NADSYN1: variants seen among roughly 807,000 people sequenced by gnomAD.
The protein encoded by NADSYN1 is NAD synthetase 1.
In NADSYN1, 80 loss-of-function variants were observed where a neutral mutation model predicts 99.3. That is an observed-to-expected ratio of 0.81 (90% CI 0.67 to 0.97). The LOEUF (loss-of-function observed/expected upper bound fraction) is 0.97, where lower values mean the gene tolerates loss of function less well. Among genes scored for constraint, NADSYN1 ranks in the 50% least tolerant of loss-of-function variants. NADSYN1 has a pLI of 0.00. For synonymous variants in NADSYN1, 385 were observed against 372.1 expected, an observed-to-expected ratio of 1.03 and a Z score of -0.40; for missense variants, 859 against 948.5, an observed-to-expected ratio of 0.91 and a Z score of 1.24.
At chr11:71,462,104 G>C (rs940466657) in intron 3 of NADSYN1, among the ~76,000 whole-genome samples, 6 of 152,148 alleles carry the variant, frequency 3.9e-5, no homozygotes, top group African/African-American at 1.4e-4. Flanking sequence ...TCTCAGAGGG[G>C]CCCTCCAAGG....
chr11:71,473,337 G>A lies in NADSYN1; in HGVS notation c.519G>A (p.Glu173=). 1 of 1,614,204 alleles carries A rather than the reference G, an allele frequency of 6.2e-7. No homozygotes were observed. Residue 173 remains glutamate (E), a synonymous_variant, in exon 7 of 21, where the codon GAG becomes GAA. Coordinates refer to ENST00000319023, the MANE Select transcript of NADSYN1 (RefSeq NM_018161.5). ...LVTWDTCIGS[E]ICEELWTPHS... ...CATGGGACACCTGCATTGGAAGTGA[G>A]ATCTGTGAGGAGCTCTGGACACCCC...
In NADSYN1 at chr11:71,472,508, C is replaced by T. The variant is rs781273466; in HGVS notation, c.459+8C>T. The T allele has an allele frequency of 6.2e-7, 1 of 1,612,538 alleles. No individual in the cohort carries two copies. The highest frequency in any genetic ancestry group is 8.5e-7 in the Non-Finnish European group (1 of 1,178,602). ...CAGGACCTGACAAAGCAGGTGAGTC[C>T]CTGGGTGTGGAGCCCGTTTTTCAGT... On this transcript the variant is annotated splice_region_variant and intron_variant, in intron 6 of 20. Transcript: ENST00000319023.
chr11:71,467,081 A>T (rs932327264), intron 5 of NADSYN1, among the ~76,000 whole-genome samples: 7 of 152,236 alleles, frequency 4.6e-5, no homozygotes. Flanking sequence ...CAGAGAGGGA[A>T]GGCTGAACAC....
At chr11:71,490,443 G>A (rs532654610) in intron 16 of NADSYN1, among the ~76,000 whole-genome samples, 1 of 152,196 alleles carries the variant, frequency 6.6e-6, no homozygotes, top group Non-Finnish European at 1.5e-5. Flanking sequence ...AGTGAGAGAT[G>A]GATTCTTCTG....
chr11:71,473,288 C>T lies in NADSYN1; in HGVS notation c.470C>T (p.Pro157Leu). 6.2e-7 allele frequency: 1 copy of T among 1,614,146 alleles called. No homozygotes were observed. Among genetic ancestry groups the T allele is most frequent in the African/African-American group, 1.3e-5 (1 of 75,056 alleles). ...IQDLTKQETV[P>L]FGDAVLVTWD... ...CTCTTCCGACTGCAGGAAACCGTAC[C>T]CTTCGGAGATGCGGTGCTGGTGACA... Residue 157 changes from proline to leucine, a missense_variant, in exon 7 of 21, where the codon CCC (proline) becomes CTC (leucine). Coordinates refer to ENST00000319023, the MANE Select transcript of NADSYN1 (RefSeq NM_018161.5).
At chr11:71,480,631 G>A in intron 10 of NADSYN1, 124 bp from the exon 11 acceptor site, 1 of 1,379,488 alleles carries the variant, frequency 7.2e-7, no homozygotes, top group South Asian at 1.3e-5. Context: ...GAGTGAGGGT[G>A]GCCTCACTGT....
chr11:71,462,997 C>T (rs1298192017), intron 3 of NADSYN1, among the ~76,000 whole-genome samples: 1 of 152,150 alleles, frequency 6.6e-6, no homozygotes, highest in Non-Finnish European at 1.5e-5. Flanking sequence ...GAGAAAGGGC[C>T]AGCCCGGAGC....
chr11:71,457,338 A>T (rs1351487436), intron 2 of NADSYN1, among the ~76,000 whole-genome samples: 2 of 152,210 alleles, frequency 1.3e-5, no homozygotes, highest in Non-Finnish European at 2.9e-5. Flanking sequence ...TGAAAGTCAC[A>T]ATTGCTGGTT....
At chr11:71,493,768 GGC>G (rs1949800269) in intron 18 of NADSYN1, among the ~76,000 whole-genome samples, 1 of 152,094 alleles carries the variant, frequency 6.6e-6, no homozygotes, top group African/African-American at 2.4e-5. Flanking sequence ...TCTTGTGTGT[GGC>G]AGCTGACAAT....
At chr11:71,484,602 C>T in intron 15 of NADSYN1, 155 bp downstream of exon 15, 1 of 1,117,358 alleles carries the variant, frequency 8.9e-7, no homozygotes, top group East Asian at 2.6e-5. Flanking sequence ...GGGTCACAGC[C>T]TGTATGCCTC....
At chr11:71,479,116 A>G (rs7123973) in intron 10 of NADSYN1, 138,459 of 152,832 alleles carry the variant, frequency 0.91, 63,116 homozygotes, top group Non-Finnish European at 0.95. Context: ...GTCTCATTCC[A>G]TCGCCCAGGC....
chr11:71,459,735 G>A (rs1434947300), intron 3 of NADSYN1: 1 of 152,450 alleles, frequency 6.6e-6, no homozygotes, highest in African/African-American at 2.4e-5. Flanking sequence ...CATCTGCCTG[G>A]CACATATTCT....
At chr11:71,478,575 G>A (rs752586735) in intron 10 of NADSYN1, 106 bp downstream of exon 10, 6 of 1,039,854 alleles carry the variant, frequency 5.8e-6, no homozygotes, top group Non-Finnish European at 8.7e-6. Context: ...TGCCTGAAAA[G>A]TCTGACAGGG....
Position 71,491,829 on chromosome 11 carries a change from T to G in NADSYN1, c.1695-5T>G, listed in dbSNP as rs1179369693. 6.2e-7 allele frequency: 1 copy of G among 1,613,924 alleles called. No individual in the cohort carries two copies. Among genetic ancestry groups the G allele is most frequent in the Non-Finnish European group, 8.5e-7 (1 of 1,179,972 alleles). On this transcript the variant is annotated splice_region_variant and splice_polypyrimidine_tract_variant and intron_variant, in intron 17 of 20. Transcript: ENST00000319023. Reference sequence around the variant, plus strand: ...CTGACCGACCTCTGTGTGTTTTGGCTGCAGCATCCTGTTGGCGCCGGCCAC... The same window carrying G: ...CTGACCGACCTCTGTGTGTTTTGGCGGCAGCATCCTGTTGGCGCCGGCCAC...
At position 71,458,417 on chromosome 11, in the gene NADSYN1, T is replaced by C. The variant is rs1241508963; in HGVS notation, c.147-11T>C. ...TTGTTTCTGGAGCTCACCTTCTCACTGTCTCTGCAGCGGCTACGGATGTTG... is the reference window on the plus strand; with the variant it reads ...TTGTTTCTGGAGCTCACCTTCTCACCGTCTCTGCAGCGGCTACGGATGTTG... On this transcript the variant is annotated splice_polypyrimidine_tract_variant and intron_variant, in intron 2 of 20. Coordinates refer to ENST00000319023, the MANE Select transcript of NADSYN1 (RefSeq NM_018161.5). 1 of 1,606,970 alleles carries C rather than the reference T, an allele frequency of 6.2e-7. No individual in the cohort carries two copies. The highest frequency in any genetic ancestry group is 8.5e-7 in the Non-Finnish European group (1 of 1,173,458).
intron 15 of NADSYN1, 68 bp downstream of exon 15, chr11:71,484,515 G>C: frequency 1.3e-6 from 2 of 1,529,836 alleles, no homozygotes; most frequent in South Asian, 2.4e-5. Flanking sequence ...ATCACTACAG[G>C]ATGTGCAGGT....
intron 6 of NADSYN1, 39 bp downstream of exon 6, chr11:71,472,539 G>T (rs760439525): frequency 5.1e-6 from 8 of 1,583,190 alleles, no homozygotes; most frequent in South Asian, 3.3e-5. Flanking sequence ...TCAGTCGGTT[G>T]TCGCTGTTCT....
intron 20 of NADSYN1, 144 bp from the exon 21 acceptor site, chr11:71,501,158 C>A: frequency 1.4e-6 from 1 of 723,382 alleles, no homozygotes; most frequent in Non-Finnish European, 2.1e-6. Context: ...TTTTCCAGCA[C>A]ACACGCCCAG....
rs79237540 is a variant in NADSYN1, at chr11:71,479,027, C to T, written c.873+558C>T. The T allele has an allele frequency of 6.7e-4, 106 of 159,210 alleles. 5 individuals are homozygous for T. The East Asian group carries it at 0.019, about 29-fold the overall frequency. The allele number at this position is 159,210 out of a possible 1,614,324, so 9.9% of individuals were successfully genotyped here. A position where few individuals can be genotyped will look rare whatever the true frequency, so the allele number is the denominator to read the frequency against. ...GTCCAACTGAGCAGCTGTCATGAGA[C>T]AGTGATTTTTGCAAACATTGAAGAA... On this transcript the variant is annotated intron_variant, in intron 10 of 20. Transcript: ENST00000319023.
Sources: allele counts gnomAD v4.1 joint callset (sites outside exome capture counted in the v4.1 genomes callset), GRCh38; gene constraint gnomAD v4.1.1; transcripts MANE v1.5; gene names NCBI Gene and HGNC (gene_info 2026-07-23, HGNC 2026-07-21).